The following ASNS variants were observed in gnomAD, a reference collection of about 807,000 sequenced individuals.
ASNS encodes the protein asparagine synthetase (glutamine-hydrolyzing).
Under a neutral mutation model 62.6 loss-of-function variants are expected in ASNS, and 37 were observed. The observed-to-expected ratio is 0.59, with a 90% CI of 0.45 to 0.78. ASNS has a LOEUF of 0.78. ASNS is among the 30% of genes least tolerant of loss of function. The probability of loss-of-function intolerance (pLI) is 0.00; values close to 1 mark genes in which losing one functional copy is unlikely to be tolerated. For synonymous variants in ASNS, 207 were observed against 237.9 expected (o/e 0.87, Z 1.19); for missense variants, 520 against 682.4 (o/e 0.76, Z 2.65).
chr7:97,883,754 G>C, the ASNS span, among the ~76,000 whole-genome samples: 1 of 152,096 alleles, frequency 6.6e-6, no homozygotes, highest in Non-Finnish European at 1.5e-5. Flanking sequence ...TTGGGAGGCC[G>C]AGGCGGTCGG....
At chr7:97,915,681 G>T in the ASNS span, among the ~76,000 whole-genome samples, 4 of 152,100 alleles carry the variant, frequency 2.6e-5, no homozygotes, top group Admixed American at 1.3e-4. Context: ...ATGAGACCGT[G>T]ACCAGGTGAA....
Position 97,859,263 on chromosome 7 carries a change from C to A in ASNS, c.623G>T (p.Arg208Leu). 2 of 1,614,036 alleles carry A rather than the reference C, an allele frequency of 1.2e-6. No individual in the cohort carries two copies. Among genetic ancestry groups the A allele is most frequent in the Non-Finnish European group, 8.5e-7 (1 of 1,179,972 alleles). ...SVEMVKYHHC[R>L]DVPLHALYDN... ...ATAGAGGGCGTGCAGGGGTACATCC[C>A]GACAGTGATGATATTTAACCATTTC... The change falls in exon 5 of 13, where the codon CGG becomes CTG. Residue 208 changes from arginine to leucine, a missense_variant. Arg to Leu is a moderately radical substitution (Grantham distance 102). Coordinates refer to ENST00000394308, the MANE Select transcript of ASNS (RefSeq NM_001673.5).
At chr7:97,868,868 A>G (rs1792109525) in intron 3 of ASNS, 40 bp downstream of exon 3, 1 of 1,605,532 alleles carries the variant, frequency 6.2e-7, no homozygotes, top group Non-Finnish European at 8.5e-7. Flanking sequence ...CAAACTCTGA[A>G]GTTTAATCGC....
At chr7:97,854,887 A>C (rs2115610784) in intron 9 of ASNS, 3 of 777,340 alleles carry the variant, frequency 3.9e-6, no homozygotes, top group Non-Finnish European at 4.0e-6. Flanking sequence ...AATGAACACA[A>C]TGGGCAACAG....
the ASNS span, among the ~76,000 whole-genome samples, chr7:97,915,658 A>T: frequency 6.6e-6 from 1 of 151,846 alleles, no homozygotes; most frequent in Non-Finnish European, 1.5e-5. Flanking sequence ...GGATGTAGTG[A>T]CTCCACTGTC....
chr7:97,926,869 A>G, the ASNS span, among the ~76,000 whole-genome samples: 3 of 152,104 alleles, frequency 2.0e-5, no homozygotes, highest in East Asian at 1.9e-4. Context: ...GCATTTTAAC[A>G]TGGAGATTCT....
rs2115583161 is a variant in ASNS, at chr7:97,852,440, G to A, written c.1505C>T (p.Ala502Val). Residue 502 changes from alanine to valine, a missense_variant, in exon 13 of 13, where the codon GCC becomes GTC. Ala to Val is a moderately conservative substitution (Grantham distance 64, BLOSUM62 0). Transcript: ENST00000394308. ...AGGAGTATTGAAGGGAAATTTCTGG[G>A]CTGCATTTGCCATCATTGCATCATC... The part of the protein sequence containing the change: ...QVDDAMMANA[A>V]QKFPFNTPKT... The A allele has an allele frequency of 2.5e-6, 4 of 1,614,112 alleles. No homozygotes were observed. The East Asian group carries it at 8.9e-5, about 36-fold the overall frequency.
rs913657474 is a variant in ASNS, at chr7:97,852,484, T to C, written c.1477-16A>G. Reference sequence around the variant, plus strand: ...CATCATCAACCTGTAAGAATAAGCATATAAGAGCAAAATGGCTTAAAATGG... The same window carrying C: ...CATCATCAACCTGTAAGAATAAGCACATAAGAGCAAAATGGCTTAAAATGG... On this transcript the variant is annotated splice_polypyrimidine_tract_variant and intron_variant, in intron 12 of 12. Coordinates refer to ENST00000394308, the MANE Select transcript of ASNS (RefSeq NM_001673.5). The C allele has an allele frequency of 3.3e-5, 53 of 1,612,382 alleles. No homozygotes were observed. Among genetic ancestry groups the C allele is most frequent in the Admixed American group, 8.3e-5 (5 of 59,964 alleles).
At chr7:97,911,010 A>G in the ASNS span, among the ~76,000 whole-genome samples, 1 of 152,246 alleles carries the variant, frequency 6.6e-6, no homozygotes, top group African/African-American at 2.4e-5. Context: ...AAAGAAAAAA[A>G]TAATCACAAT....
the ASNS span, among the ~76,000 whole-genome samples, chr7:97,914,151 CATGGATGGATGGATGGATGG>C: frequency 3.8e-4 from 47 of 125,170 alleles, no homozygotes; most frequent in Middle Eastern, 8.1e-3. Context: ...TGGATGGATG[CATGGATGGATGGATGGATGG>C]ATGGATGGAT....
chr7:97,927,916 C>G, the ASNS span, among the ~76,000 whole-genome samples: 1 of 152,270 alleles, frequency 6.6e-6, no homozygotes, highest in Non-Finnish European at 1.5e-5. Flanking sequence ...CTGATGCAGC[C>G]CACGGCGAGG....
chr7:97,924,732 G>A, the ASNS span, among the ~76,000 whole-genome samples: 1 of 152,250 alleles, frequency 6.6e-6, no homozygotes, highest in African/African-American at 2.4e-5. Context: ...GTCTAGGTGG[G>A]TGATATTCTG....
intron 4 of ASNS, among the ~76,000 whole-genome samples, chr7:97,861,484 G>A (rs964708542): frequency 2.0e-5 from 3 of 152,096 alleles, no homozygotes; most frequent in Non-Finnish European, 4.4e-5. Context: ...ATATGTATGG[G>A]TTCATTTCTG....
the ASNS span, among the ~76,000 whole-genome samples, chr7:97,916,017 C>T: frequency 1.3e-5 from 2 of 152,164 alleles, no homozygotes; most frequent in Non-Finnish European, 2.9e-5. Flanking sequence ...GCTGGACACA[C>T]ATACACCCTC....
chr7:97,895,489 C>CA, the ASNS span, among the ~76,000 whole-genome samples: 1 of 152,126 alleles, frequency 6.6e-6, no homozygotes, highest in Non-Finnish European at 1.5e-5. Context: ...AAGACTCTAC[C>CA]AAAAAACTCT....
the ASNS span, among the ~76,000 whole-genome samples, chr7:97,892,409 G>A: frequency 2.3e-4 from 35 of 152,308 alleles, no homozygotes; most frequent in African/African-American, 7.7e-4. Flanking sequence ...TTTGACTCTA[G>A]TTACTTAAAG....
chr7:97,911,265 T>A, the ASNS span, among the ~76,000 whole-genome samples: 1 of 152,130 alleles, frequency 6.6e-6, no homozygotes, highest in African/African-American at 2.4e-5. Flanking sequence ...TTTAAATCTA[T>A]GTGATGGGTA....
chr7:97,867,087 G>C (rs1792014168), intron 3 of ASNS, among the ~76,000 whole-genome samples: 1 of 130,792 alleles, frequency 7.6e-6, no homozygotes, highest in Admixed American at 7.4e-5. Context: ...AAACTCCAAT[G>C]CTGCACCTTA....
chr7:97,867,924 A>T (rs1181877156), intron 3 of ASNS, among the ~76,000 whole-genome samples: 1 of 152,246 alleles, frequency 6.6e-6, no homozygotes, highest in African/African-American at 2.4e-5. Context: ...TAGGATGTAA[A>T]TCTCTATCAA....
Sources: gnomAD v4.1 joint callset for allele counts (sites outside exome capture counted in the v4.1 genomes callset) on GRCh38, gnomAD v4.1.1 for gene constraint, MANE v1.5 for transcripts, NCBI Gene and HGNC (gene_info 2026-07-23, HGNC 2026-07-21) for gene names.